EXOC7: variants seen among roughly 807,000 people sequenced by gnomAD.
The protein encoded by EXOC7 is exocyst complex component Exo70.
A neutral mutation model predicts 87.6 loss-of-function variants in EXOC7; 51 were observed. The observed-to-expected ratio is 0.58, with a 90% CI of 0.46 to 0.73. The LOEUF (loss-of-function observed/expected upper bound fraction) is 0.73. EXOC7 is among the 30% of genes least tolerant of loss of function. EXOC7 has a pLI of 0.00. For synonymous variants in EXOC7, 327 were observed against 357.1 expected (o/e 0.92, Z 0.95); for missense variants, 744 against 888.4 (o/e 0.84, Z 2.07).
chr17:76,099,118 G>A (rs1373235416), intron 4 of EXOC7, among the ~76,000 whole-genome samples: 1 of 152,144 alleles, frequency 6.6e-6, no homozygotes, highest in East Asian at 1.9e-4. Context: ...CTGTCCACAC[G>A]ATGACATATA....
rs1225701716 is a variant in EXOC7 at position 76,081,546 on chromosome 17, T to C, written c.*2102A>G. On this transcript the variant is annotated 3_prime_UTR_variant, in exon 19 of 19. Transcript: ENST00000589210. Reference sequence around the variant, plus strand: ...AGGCCCTGACTTTTCCCCTTCCAGCTGAGGCTGAAGAACACGGCGCTCAAG... The same window carrying C: ...AGGCCCTGACTTTTCCCCTTCCAGCCGAGGCTGAAGAACACGGCGCTCAAG... 1 of 1,613,206 alleles carries C rather than the reference T, an allele frequency of 6.2e-7. No individual in the cohort carries two copies. The highest frequency in any genetic ancestry group is 8.5e-7 in the Non-Finnish European group (1 of 1,180,002).
chr17:76,091,943 G>A lies in EXOC7; in HGVS notation c.809-708C>T, dbSNP rs534044812. On this transcript the variant is annotated intron_variant, in intron 6 of 18. Transcript: ENST00000589210. Reference sequence around the variant, plus strand: ...AGGAGAGGGCACATGCTCTTGGCATGGGGGAGAAAAACAATAGTTAGTATC... The same window carrying A: ...AGGAGAGGGCACATGCTCTTGGCATAGGGGAGAAAAACAATAGTTAGTATC... 2.6e-5 allele frequency among the ~76,000 whole-genome samples: 4 copies of A among 152,186 alleles called. No individual in the cohort carries two copies. In the Admixed American group the frequency reaches 2.6e-4, roughly 10 times the overall value.
chr17:76,088,027 C>G, intron 11 of EXOC7, 33 bp downstream of exon 11: 1 of 1,612,916 alleles, frequency 6.2e-7, no homozygotes, highest in Non-Finnish European at 8.5e-7. Context: ...CCTCCTTCCT[C>G]CCCTCTCCCT....
intron 12 of EXOC7, chr17:76,086,820 G>A: frequency 6.5e-7 from 1 of 1,547,318 alleles, no homozygotes; most frequent in Non-Finnish European, 8.7e-7. Flanking sequence ...AGCTTCAGAG[G>A]GACAGGAGGG....
intron 7 of EXOC7, chr17:76,090,414 C>T (rs2067423752): frequency 1.3e-6 from 2 of 1,551,730 alleles, no homozygotes; most frequent in Non-Finnish European, 1.7e-6. Flanking sequence ...AGATGTCGGC[C>T]GCACAAACAC....
chr17:76,099,681 G>T (rs1301378485), intron 4 of EXOC7, among the ~76,000 whole-genome samples: 1 of 152,162 alleles, frequency 6.6e-6, no homozygotes, highest in Non-Finnish European at 1.5e-5. Flanking sequence ...TGTATTATAA[G>T]ATACCATTTA....
At chr17:76,086,616 G>T (rs944677732) in intron 12 of EXOC7, among the ~76,000 whole-genome samples, 7 of 152,272 alleles carry the variant, frequency 4.6e-5, no homozygotes, top group African/African-American at 1.7e-4. Context: ...GGACAGCAAG[G>T]CAGGGAGGCC....
intron 13 of EXOC7, 28 bp downstream of exon 13, chr17:76,086,052 C>T: frequency 6.2e-7 from 1 of 1,611,702 alleles, no homozygotes; most frequent in South Asian, 1.1e-5. Context: ...GGCAGCAGGG[C>T]TGCTGGTCTG....
At chr17:76,097,044 G>A (rs188957261) in intron 5 of EXOC7, among the ~76,000 whole-genome samples, 24 of 152,198 alleles carry the variant, frequency 1.6e-4, no homozygotes, top group Admixed American at 1.2e-3. Flanking sequence ...TAGAGACAGG[G>A]TTTTGCCATG....
At position 76,082,085 on chromosome 17, in the gene EXOC7, G is replaced by A. The variant is rs765880914; in HGVS notation, c.*1563C>T. 6.4e-7 allele frequency: 1 copy of A among 1,561,926 alleles called. No homozygotes were observed. Among genetic ancestry groups the A allele is most frequent in the Non-Finnish European group, 8.6e-7 (1 of 1,157,622 alleles). Reference sequence around the variant, plus strand: ...GCTGGGGGGTAAGGAATGAGGCCTAGGTGCACACCTAGGGCTGGGGTGAGG... The same window carrying A: ...GCTGGGGGGTAAGGAATGAGGCCTAAGTGCACACCTAGGGCTGGGGTGAGG... On this transcript the variant is annotated 3_prime_UTR_variant, in exon 19 of 19. Coordinates refer to ENST00000589210, the MANE Select transcript of EXOC7 (RefSeq NM_001013839.4).
rs549692782 is a variant in EXOC7 at position 76,086,168 on chromosome 17, A to G, written c.1430-23T>C. On this transcript the variant is annotated intron_variant, in intron 12 of 18. Coordinates refer to ENST00000589210, the MANE Select transcript of EXOC7 (RefSeq NM_001013839.4). Reference sequence around the variant, plus strand: ...TCTCTGTGAGAGGAGAAGTCCTGTTATTGCAGTGGCAGCAGCCAAGACCCT... The same window carrying G: ...TCTCTGTGAGAGGAGAAGTCCTGTTGTTGCAGTGGCAGCAGCCAAGACCCT... The G allele has an allele frequency of 1.4e-4, 227 of 1,611,798 alleles. 5 individuals are homozygous for G. In the South Asian group the frequency reaches 2.5e-3, roughly 18 times the overall value.
Position 76,089,214 on chromosome 17 carries a change from G to C in EXOC7, c.1008C>G (p.Pro336=). The C allele has an allele frequency of 1.2e-6, 2 of 1,613,970 alleles. No individual in the cohort carries two copies. Among genetic ancestry groups the C allele is most frequent in the Non-Finnish European group, 1.7e-6 (2 of 1,180,006 alleles). The change falls in exon 8 of 19, where the codon CCC becomes CCG. Residue 336 remains proline (P), a synonymous_variant. Transcript: ENST00000589210. ...SEYQLLADII[P]EHHQKKTFDS... The stretch of plus-strand genomic sequence containing the variant: ...CGAAGGTCTTCTTCTGGTGGTGCTC[G>C]GGGATGATGTCGGCCAGCAGCTGGT...
At chr17:76,091,343 A>C in intron 6 of EXOC7, 108 bp from the exon 7 acceptor site, 1 of 834,610 alleles carries the variant, frequency 1.2e-6, no homozygotes, top group Non-Finnish European at 2.0e-6. Context: ...CAGCTCCCCA[A>C]CAGTGAGCAG....
chr17:76,084,438 T>C (rs1163830794), intron 16 of EXOC7, 79 bp downstream of exon 16: 19 of 1,574,046 alleles, frequency 1.2e-5, no homozygotes, highest in East Asian at 4.5e-5. Context: ...GAGGGATGCT[T>C]GTCCACTTTT....
In EXOC7 at chr17:76,083,527, G is replaced by T; in HGVS notation, c.*121C>A. The T allele has an allele frequency of 1.1e-6, 1 of 928,612 alleles. No individual in the cohort carries two copies. The highest frequency in any genetic ancestry group is 1.7e-6 in the Non-Finnish European group (1 of 576,528). The allele number at this position is 928,612 out of a possible 1,614,324, so 57.5% of individuals were successfully genotyped here. A position where few individuals can be genotyped will look rare whatever the true frequency, so the allele number is the denominator to read the frequency against. ...GCTCAGGGACACAGCTCCCGGAGGC[G>T]TGGAGACAGGTCTCTGTCCCAGAGG... is the stretch of plus-strand genomic sequence containing the variant. On this transcript the variant is annotated 3_prime_UTR_variant, in exon 19 of 19. Transcript: ENST00000589210.
At position 76,103,712 on chromosome 17, in the gene EXOC7, C is replaced by T; in HGVS notation, c.-20G>A. The T allele has an allele frequency of 3.8e-6, 6 of 1,595,820 alleles. No homozygotes were observed. The highest frequency in any genetic ancestry group is 5.1e-6 in the Non-Finnish European group (6 of 1,172,000). On this transcript the variant is annotated 5_prime_UTR_variant, in exon 1 of 19. Transcript: ENST00000589210. ...AATCATCGCTCTGAACCCCGCGGCTCCCACTCCCCAGTATCTTTCCTCCGC... is the reference window on the plus strand; with the variant it reads ...AATCATCGCTCTGAACCCCGCGGCTTCCACTCCCCAGTATCTTTCCTCCGC...
At chr17:76,098,176 C>T in intron 4 of EXOC7, 158 bp from the exon 5 acceptor site, 1 of 617,722 alleles carries the variant, frequency 1.6e-6, no homozygotes, top group Non-Finnish European at 2.8e-6. Context: ...CTCGCTCTGT[C>T]ACCAGGCTGG....
At chr17:76,087,876 A>T in intron 11 of EXOC7, 156 bp from the exon 12 acceptor site, 1 of 946,046 alleles carries the variant, frequency 1.1e-6, no homozygotes, top group Non-Finnish European at 1.6e-6. Context: ...GCCTGCCAGG[A>T]AAGGCCCTGT....
chr17:76,089,589 G>A (rs532443833), intron 7 of EXOC7: 27 of 527,550 alleles, frequency 5.1e-5, no homozygotes, highest in African/African-American at 9.5e-5. Flanking sequence ...GGAGAGTGAC[G>A]GATGGAAAGA....
Sources: gnomAD v4.1 joint callset for allele counts (sites outside exome capture counted in the v4.1 genomes callset) on GRCh38, gnomAD v4.1.1 for gene constraint, MANE v1.5 for transcripts, NCBI Gene and HGNC (gene_info 2026-07-23, HGNC 2026-07-21) for gene names.